FGF14: variants seen among roughly 807,000 people sequenced by gnomAD.
FGF14 encodes fibroblast growth factor 14.
In FGF14, 5 loss-of-function variants were observed where a neutral mutation model predicts 25.5. The ratio of observed to expected loss-of-function variants is 0.20; its 90% CI spans 0.10 to 0.41. FGF14 has a LOEUF of 0.41. FGF14 is among the 10% of genes least tolerant of loss of function. The probability of loss-of-function intolerance (pLI) is 1.00; values close to 1 mark genes in which losing one functional copy is unlikely to be tolerated. For missense variants in FGF14, 222 were observed against 320.1 expected, an observed-to-expected ratio of 0.69 and a Z score of 2.34; for synonymous variants, 138 against 118.3, an observed-to-expected ratio of 1.17 and a Z score of -1.08.
intron 1 of FGF14, among the ~76,000 whole-genome samples, chr13:102,391,964 T>C (rs1447082692): frequency 6.6e-6 from 1 of 152,220 alleles, no homozygotes; most frequent in East Asian, 1.9e-4. Context: ...AATTATGAGA[T>C]ATGATTTCTC....
intron 1 of FGF14, among the ~76,000 whole-genome samples, chr13:102,331,775 G>A (rs755927509): frequency 1.3e-5 from 2 of 152,102 alleles, no homozygotes; most frequent in African/African-American, 2.4e-5. Context: ...TAAAAGTTTC[G>A]AATTGGTAGT....
chr13:102,154,365 C>A (rs1566752887), intron 1 of FGF14, among the ~76,000 whole-genome samples: 1 of 151,606 alleles, frequency 6.6e-6, no homozygotes, highest in East Asian at 1.9e-4. Flanking sequence ...CAATATTCAA[C>A]ATTCTTAAAG....
At chr13:101,936,169 T>C (rs1419752873) in intron 1 of FGF14, among the ~76,000 whole-genome samples, 1 of 152,214 alleles carries the variant, frequency 6.6e-6, no homozygotes, top group African/African-American at 2.4e-5. Context: ...AGGCAGCCAG[T>C]GCGCTCCTGC....
intron 1 of FGF14, among the ~76,000 whole-genome samples, chr13:102,145,748 A>C (rs1037174414): frequency 6.6e-6 from 1 of 152,188 alleles, no homozygotes; most frequent in Non-Finnish European, 1.5e-5. Context: ...TCAGTAGATT[A>C]ATAAAATTAA....
At chr13:101,827,628 T>C (rs899070554) in intron 3 of FGF14, among the ~76,000 whole-genome samples, 3 of 151,948 alleles carry the variant, frequency 2.0e-5, no homozygotes, top group Non-Finnish European at 4.4e-5. Flanking sequence ...TGGTTTATTA[T>C]AAAGAAATAT....
At chr13:101,838,039 A>G (rs1157434175) in intron 3 of FGF14, among the ~76,000 whole-genome samples, 1 of 151,920 alleles carries the variant, frequency 6.6e-6, no homozygotes, top group Non-Finnish European at 1.5e-5. Context: ...TCGGACTCCA[A>G]GTTCTTCAGC....
intron 1 of FGF14, among the ~76,000 whole-genome samples, chr13:101,973,337 G>A (rs986053126): frequency 3.3e-5 from 5 of 152,038 alleles, no homozygotes. Flanking sequence ...CATGTATAAA[G>A]ATAAATATTT....
chr13:101,963,053 C>T (rs930739157), intron 1 of FGF14, among the ~76,000 whole-genome samples: 1 of 152,190 alleles, frequency 6.6e-6, no homozygotes, highest in African/African-American at 2.4e-5. Context: ...GAAAGTCTCC[C>T]GTTACTGGCA....
chr13:101,768,402 A>T (rs1305108886), intron 3 of FGF14, among the ~76,000 whole-genome samples: 1 of 152,170 alleles, frequency 6.6e-6, no homozygotes, highest in Non-Finnish European at 1.5e-5. Flanking sequence ...TTCCAACTTG[A>T]TCTATAGATT....
At chr13:102,206,307 C>T (rs1214082359) in intron 1 of FGF14, among the ~76,000 whole-genome samples, 1 of 152,034 alleles carries the variant, frequency 6.6e-6, no homozygotes, top group African/African-American at 2.4e-5. Context: ...CTGACCAATT[C>T]AGATGAAAAT....
rs59221538 is a variant in FGF14 at position 102,023,043 on chromosome 13, G to GACACACAC, written c.209-147755_209-147748dup. 7.6e-3 allele frequency among the ~76,000 whole-genome samples: 1,118 copies of GACACACAC among 146,282 alleles called. 11 individuals are homozygous for GACACACAC. Among genetic ancestry groups the GACACACAC allele is most frequent in the East Asian group, 0.032 (153 of 4,750 alleles). On this transcript the variant is annotated intron_variant, in intron 1 of 4. Coordinates refer to the FGF14 transcript ENST00000376131. ...GTACAAAAGTAGTAAAATATTTTCG[G>GACACACAC]ACACACACACACACACACACACACA...
intron 1 of FGF14, among the ~76,000 whole-genome samples, chr13:102,359,126 CAT>C (rs2057496266): frequency 6.6e-6 from 1 of 151,924 alleles, no homozygotes; most frequent in Non-Finnish European, 1.5e-5. Flanking sequence ...AATGAGAACA[CAT>C]TGGCACAGGG....
intron 3 of FGF14, among the ~76,000 whole-genome samples, chr13:101,752,003 T>A (rs2037316023): frequency 1.3e-5 from 2 of 152,166 alleles, no homozygotes; most frequent in African/African-American, 4.8e-5. Flanking sequence ...TTGCAGAGAC[T>A]ACTGTGGAGA....
chr13:102,093,763 A>C (rs2044270792), intron 1 of FGF14, among the ~76,000 whole-genome samples: 1 of 151,512 alleles, frequency 6.6e-6, no homozygotes, highest in Non-Finnish European at 1.5e-5. Context: ...TGAGGTCTGC[A>C]GCTGTGGTTT....
chr13:101,809,894 C>T (rs893693589), intron 3 of FGF14, among the ~76,000 whole-genome samples: 2 of 152,014 alleles, frequency 1.3e-5, no homozygotes, highest in African/African-American at 4.8e-5. Context: ...GGAAGAGACC[C>T]CCCAAGGTCA....
chr13:102,330,333 T>C (rs1438795063), intron 1 of FGF14, among the ~76,000 whole-genome samples: 1 of 152,208 alleles, frequency 6.6e-6, no homozygotes, highest in Non-Finnish European at 1.5e-5. Flanking sequence ...CAATTTTCTC[T>C]GTTCTTATCT....
chr13:101,876,065 T>A (rs775171155), intron 1 of FGF14, among the ~76,000 whole-genome samples: 17 of 152,176 alleles, frequency 1.1e-4, no homozygotes, highest in East Asian at 5.8e-4. Context: ...GAAATCTGAT[T>A]CTTTGTCAAC....
At chr13:102,057,015 AC>A (rs2042462705) in intron 1 of FGF14, among the ~76,000 whole-genome samples, 1 of 151,854 alleles carries the variant, frequency 6.6e-6, no homozygotes, top group Admixed American at 6.6e-5. Flanking sequence ...GAATCCAATT[AC>A]ATTTTATTTC....
chr13:101,773,279 A>G (rs1311614369), intron 3 of FGF14, among the ~76,000 whole-genome samples: 2 of 152,184 alleles, frequency 1.3e-5, no homozygotes, highest in African/African-American at 4.8e-5. Flanking sequence ...TGATTTCCTC[A>G]TTTCACAGAT....
Sources: gnomAD v4.1 joint callset for allele counts (sites outside exome capture counted in the v4.1 genomes callset) on GRCh38, gnomAD v4.1.1 for gene constraint, MANE v1.5 for transcripts, NCBI Gene and HGNC (gene_info 2026-07-23, HGNC 2026-07-21) for gene names.